Variants in PDE4D observed in about 807,000 individuals in gnomAD.
The protein encoded by PDE4D is 3',5'-cyclic-AMP phosphodiesterase 4D.
A neutral mutation model predicts 87.4 loss-of-function variants in PDE4D; 24 were observed. The ratio of observed to expected loss-of-function variants is 0.27; its 90% CI spans 0.20 to 0.39. PDE4D has a LOEUF of 0.39. PDE4D is among the 10% of genes least tolerant of loss of function. The probability of loss-of-function intolerance (pLI) is 1.00; values close to 1 mark genes in which losing one functional copy is unlikely to be tolerated. For synonymous variants in PDE4D, 384 were observed against 383.2 expected, an observed-to-expected ratio of 1.00 and a Z score of -0.02; for missense variants, 714 against 1,041.0, an observed-to-expected ratio of 0.69 and a Z score of 4.32.
At chr5:60,375,856 T>C (rs1416414132) in intron 1 of PDE4D, among the ~76,000 whole-genome samples, 1 of 152,174 alleles carries the variant, frequency 6.6e-6, no homozygotes, top group Admixed American at 6.5e-5. Flanking sequence ...CTGGCCAACA[T>C]GGTGAAACCT....
intron 3 of PDE4D, among the ~76,000 whole-genome samples, chr5:59,982,095 C>T (rs967099967): frequency 6.6e-6 from 1 of 152,208 alleles, no homozygotes. Flanking sequence ...ATTCTTCTCT[C>T]TCTGTTGGGT....
Position 59,412,852 on chromosome 5 carries a change from G to A in PDE4D, c.456-196884C>T, listed in dbSNP as rs552681694. ...ACTGATATCCCTGAATTTTTTATAG[G>A]TATAAGGTTAAGCTTAAGATGATAA... On this transcript the variant is annotated intron_variant, in intron 1 of 14. Coordinates refer to ENST00000340635, the MANE Select transcript of PDE4D (RefSeq NM_001104631.2). Among the ~76,000 whole-genome samples, 11 of 152,232 alleles carry A rather than the reference G, an allele frequency of 7.2e-5. No homozygotes were observed. The East Asian group carries it at 2.1e-3, about 29-fold the overall frequency.
rs1274111075 is a variant in PDE4D at position 58,983,349 on chromosome 5, TTG to T, written c.1552+5142_1552+5143del. Among the ~76,000 whole-genome samples the T allele has an allele frequency of 9.2e-5, 14 of 152,368 alleles. No individual in the cohort carries two copies. The South Asian group carries it at 1.2e-3, about 14-fold the overall frequency. ...CATTAGGGCCACTTCTTTATGTAATTTGTGCCTTTAGTGTCTGCTCGGACCTG... is the reference window on the plus strand; with the variant it reads ...CATTAGGGCCACTTCTTTATGTAATTTGCCTTTAGTGTCTGCTCGGACCTG... On this transcript the variant is annotated intron_variant, in intron 11 of 14. Coordinates refer to ENST00000340635, the MANE Select transcript of PDE4D (RefSeq NM_001104631.2).
intron 2 of PDE4D, among the ~76,000 whole-genome samples, chr5:59,200,004 A>T (rs974855685): frequency 4.1e-5 from 6 of 147,736 alleles, no homozygotes; most frequent in Non-Finnish European, 7.5e-5. Context: ...ACATGCATGC[A>T]ACATACATAC....
At chr5:60,304,245 G>C (rs1279618239) in intron 1 of PDE4D, 1 of 124,138 alleles carries the variant, frequency 8.1e-6, no homozygotes, top group Non-Finnish European at 1.6e-5. Context: ...CACCATTCCA[G>C]CGTATTTAAG....
At chr5:59,898,573 A>T (rs998519874), upstream of PDE4D, among the ~76,000 whole-genome samples, 2 of 152,196 alleles carry the variant, frequency 1.3e-5, no homozygotes, top group Non-Finnish European at 2.9e-5. Flanking sequence ...GTGTGAATAC[A>T]TATGTGTGAC....
chr5:59,181,543 G>GAGATATATATATATAT (rs5868165), intron 4 of PDE4D, among the ~76,000 whole-genome samples: 6 of 118,944 alleles, frequency 5.0e-5, no homozygotes, highest in African/African-American at 2.3e-4. Context: ...AAAGATGTCT[G>GAGATATATATATATAT]ATATATATAT....
intron 2 of PDE4D, among the ~76,000 whole-genome samples, chr5:60,146,408 T>C (rs1385861520): frequency 6.6e-6 from 1 of 152,204 alleles, no homozygotes; most frequent in Non-Finnish European, 1.5e-5. Flanking sequence ...GATTGGAATT[T>C]AGTGTCCAAG....
chr5:59,461,328 C>T (rs1381112606), intron 1 of PDE4D, among the ~76,000 whole-genome samples: 2 of 151,844 alleles, frequency 1.3e-5, no homozygotes, highest in Non-Finnish European at 2.9e-5. Flanking sequence ...TTATAAACAT[C>T]TAAGTTATAT....
intron 2 of PDE4D, among the ~76,000 whole-genome samples, chr5:60,111,034 T>C (rs1273332890): frequency 2.0e-5 from 3 of 151,554 alleles, no homozygotes; most frequent in Non-Finnish European, 4.4e-5. Context: ...TGGGAAGGAG[T>C]TGGTTAACAG....
At chr5:60,371,266 T>C (rs1157228100) in intron 1 of PDE4D, among the ~76,000 whole-genome samples, 1 of 152,186 alleles carries the variant, frequency 6.6e-6, no homozygotes, top group African/African-American at 2.4e-5. Flanking sequence ...GCTGATGTAA[T>C]ATTGTATCAT....
chr5:60,145,366 C>T (rs539380335), intron 2 of PDE4D, among the ~76,000 whole-genome samples: 1 of 152,328 alleles, frequency 6.6e-6, no homozygotes, highest in East Asian at 1.9e-4. Context: ...TTAATCCAAA[C>T]TATCCTTGTT....
chr5:59,278,852 T>C (rs1432721188), intron 1 of PDE4D, among the ~76,000 whole-genome samples: 2 of 152,116 alleles, frequency 1.3e-5, no homozygotes, highest in East Asian at 3.9e-4. Flanking sequence ...AACACTTACA[T>C]GGAAAGCGTC....
intron 1 of PDE4D, among the ~76,000 whole-genome samples, chr5:59,261,215 A>G (rs183920675): frequency 6.6e-6 from 1 of 152,028 alleles, no homozygotes; most frequent in African/African-American, 2.4e-5. Context: ...ACACTAGGAC[A>G]TAAATGCCAT....
intron 1 of PDE4D, among the ~76,000 whole-genome samples, chr5:59,326,286 A>C (rs185406434): frequency 3.3e-4 from 50 of 152,268 alleles, no homozygotes; most frequent in Admixed American, 1.1e-3. Flanking sequence ...AAAGAAAAAA[A>C]ATGTGTTGAG....
At chr5:59,564,752 AG>A (rs1170262783) in intron 1 of PDE4D, among the ~76,000 whole-genome samples, 1 of 152,206 alleles carries the variant, frequency 6.6e-6, no homozygotes, top group East Asian at 1.9e-4. Flanking sequence ...AAGGGCCCCC[AG>A]GAAACTCCCA....
intron 2 of PDE4D, among the ~76,000 whole-genome samples, chr5:60,158,789 T>C (rs1345508861): frequency 4.6e-5 from 7 of 152,146 alleles, no homozygotes. Flanking sequence ...CAGAATGGTC[T>C]GGATCTCCTG....
chr5:59,529,402 G>A (rs544881974), intron 1 of PDE4D, among the ~76,000 whole-genome samples: 46 of 152,132 alleles, frequency 3.0e-4, no homozygotes, highest in Non-Finnish European at 4.7e-4. Context: ...GAAGTTTCAC[G>A]GAGGCCAAAG....
intron 1 of PDE4D, chr5:60,460,049 C>T: frequency 6.5e-7 from 1 of 1,528,932 alleles, no homozygotes; most frequent in Non-Finnish European, 9.0e-7. Context: ...CAAATATCAT[C>T]TTTGGTGACC....
Sources: allele counts gnomAD v4.1 joint callset (sites outside exome capture counted in the v4.1 genomes callset), GRCh38; gene constraint gnomAD v4.1.1; transcripts MANE v1.5; gene names NCBI Gene and HGNC (gene_info 2026-07-23, HGNC 2026-07-21).